MMRN1: variants seen among roughly 807,000 people sequenced by gnomAD.
MMRN1 encodes multimerin 1, also known as multimerin-1.
In MMRN1, 94 loss-of-function variants were observed where a neutral mutation model predicts 100.7. The ratio of observed to expected loss-of-function variants is 0.93; its 90% CI spans 0.79 to 1.11. The LOEUF (loss-of-function observed/expected upper bound fraction) is 1.11. Among genes scored for constraint, MMRN1 ranks in the 50% least tolerant of loss-of-function variants. The probability of loss-of-function intolerance (pLI) is 0.00; values close to 1 mark genes in which losing one functional copy is unlikely to be tolerated. For synonymous variants in MMRN1, 575 were observed against 505.0 expected, an observed-to-expected ratio of 1.14 and a Z score of -1.86; for missense variants, 1,606 against 1,439.1, an observed-to-expected ratio of 1.12 and a Z score of -1.88.
chr4:89,910,568 C>T (rs1013884389), intron 2 of MMRN1, among the ~76,000 whole-genome samples: 1 of 151,408 alleles, frequency 6.6e-6, no homozygotes, highest in Admixed American at 6.6e-5. Context: ...TTTGCCAAAG[C>T]AGGAACATTG....
chr4:89,912,103 T>C (rs1343516678), intron 3 of MMRN1, 53 bp downstream of exon 3: 11 of 1,289,864 alleles, frequency 8.5e-6, no homozygotes, highest in Non-Finnish European at 1.1e-5. Context: ...ACTGATTCTA[T>C]TGAAGAAAAG....
At chr4:89,939,213 G>A (rs1298406076) in intron 6 of MMRN1, among the ~76,000 whole-genome samples, 1 of 152,036 alleles carries the variant, frequency 6.6e-6, no homozygotes, top group Non-Finnish European at 1.5e-5. Context: ...CTTTGATATT[G>A]TATAAGTATT....
intron 4 of MMRN1, among the ~76,000 whole-genome samples, chr4:89,924,018 G>A (rs546664919): frequency 2.0e-5 from 3 of 152,238 alleles, no homozygotes; most frequent in Admixed American, 1.3e-4. Context: ...TAATATTCTT[G>A]AATTACTGCA....
chr4:89,945,735 A>T (rs1334968806), intron 6 of MMRN1, among the ~76,000 whole-genome samples: 1 of 152,178 alleles, frequency 6.6e-6, no homozygotes, highest in East Asian at 1.9e-4. Flanking sequence ...ATAGCAAGGG[A>T]TAAAGTAAAT....
rs377594061 is a variant in MMRN1, at chr4:89,935,216, A to G, written c.1536A>G (p.Lys512=). The G allele has an allele frequency of 2.3e-4, 375 of 1,613,402 alleles. No homozygotes were observed. The highest frequency in any genetic ancestry group is 3.1e-4 in the Non-Finnish European group (365 of 1,179,738). ...AATCCCTCAATAAAACTCTTTCTAA[A>G]TTGAAGGAAGTACATGAGCAGCTTT... ...YYESLNKTLS[K]LKEVHEQLLS... The change falls in exon 6 of 8, where the codon AAA becomes AAG. Residue 512 remains lysine (K), a synonymous_variant. Coordinates refer to ENST00000264790, the MANE Select transcript of MMRN1 (RefSeq NM_007351.3).
chr4:89,910,997 GCTCTACCC>G (rs1381936451), intron 2 of MMRN1, among the ~76,000 whole-genome samples: 2 of 151,332 alleles, frequency 1.3e-5, no homozygotes, highest in Non-Finnish European at 3.0e-5. Flanking sequence ...TAAAATCACA[GCTCTACCC>G]CTTTTAGATA....
chr4:89,884,948 T>C (rs1460474841), intron 1 of MMRN1, among the ~76,000 whole-genome samples: 2 of 152,168 alleles, frequency 1.3e-5, no homozygotes, highest in African/African-American at 4.8e-5. Flanking sequence ...TTTTTTCTTT[T>C]TATATTGGGG....
upstream of MMRN1, among the ~76,000 whole-genome samples, chr4:89,891,457 A>G (rs1721052517): frequency 6.6e-6 from 1 of 152,102 alleles, no homozygotes. Context: ...CTAATGTGTT[A>G]CCCTAGGAAG....
At position 89,907,790 on chromosome 4, in the gene MMRN1, G is replaced by T. The variant is rs1355672143; in HGVS notation, c.624-1486G>T. Among the ~76,000 whole-genome samples the T allele has an allele frequency of 6.0e-5, 9 of 148,818 alleles. No individual in the cohort carries two copies. The East Asian group carries it at 1.8e-3, about 29-fold the overall frequency. On this transcript the variant is annotated intron_variant, in intron 1 of 7. Transcript: ENST00000264790. The stretch of plus-strand genomic sequence containing the variant: ...AATGGTTAATTGTTTTAAAGTCATG[G>T]GTTGCTAATTCCAACTTCTATGTCA...
intron 6 of MMRN1, among the ~76,000 whole-genome samples, chr4:89,950,429 C>G (rs944359670): frequency 3.9e-5 from 6 of 152,106 alleles, no homozygotes; most frequent in Admixed American, 1.3e-4. Flanking sequence ...GTCCTATTAA[C>G]AGCTATAGCA....
upstream of MMRN1, among the ~76,000 whole-genome samples, chr4:89,890,795 AGGGGCATTT>A (rs1721038349): frequency 6.6e-6 from 1 of 152,072 alleles, no homozygotes; most frequent in African/African-American, 2.4e-5. Flanking sequence ...TTTTCTCATG[AGGGGCATTT>A]GGTCATCTTT....
At position 89,908,233 on chromosome 4, in the gene MMRN1, A is replaced by G. The variant is rs533956837; in HGVS notation, c.624-1043A>G. On this transcript the variant is annotated intron_variant, in intron 1 of 7. Transcript: ENST00000264790. Reference sequence around the variant, plus strand: ...TCACATATTTTCCCTCAAGAATCATATCACTGCATTGTCTACTGCCCAACA... The same window carrying G: ...TCACATATTTTCCCTCAAGAATCATGTCACTGCATTGTCTACTGCCCAACA... 2.6e-5 allele frequency among the ~76,000 whole-genome samples: 4 copies of G among 151,540 alleles called. No homozygotes were observed. The East Asian group carries it at 7.8e-4, about 29-fold the overall frequency.
intron 4 of MMRN1, 74 bp from the exon 5 acceptor site, chr4:89,927,720 TC>T: frequency 3.0e-6 from 4 of 1,347,206 alleles, no homozygotes; most frequent in Non-Finnish European, 2.0e-6. Flanking sequence ...TTTTAGTTTT[TC>T]TCCATTCAGT....
At position 89,934,848 on chromosome 4, in the gene MMRN1, A is replaced by C. The variant is rs1483136127; in HGVS notation, c.1168A>C (p.Ile390Leu). The C allele has an allele frequency of 6.4e-7, 1 of 1,567,556 alleles. No homozygotes were observed. The highest frequency in any genetic ancestry group is 1.2e-5 in the South Asian group (1 of 83,236). ...AAGCATTAATGTACTGATAAGAGAC[A>C]TAGTAAGAGAACAATTTAAAATTTT... ...SKSINVLIRD[I>L]VREQFKIFQN... The change falls in exon 6 of 8, where the codon ATA becomes CTA. Residue 390 changes from isoleucine (I) to leucine (L), a missense_variant. Transcript: ENST00000264790.
chr4:89,890,249 TC>T (rs10608251), upstream of MMRN1, among the ~76,000 whole-genome samples: 52 of 143,316 alleles, frequency 3.6e-4, no homozygotes, highest in African/African-American at 1.3e-3. Context: ...TTTTTTTTTT[TC>T]CCCTGTGCTC....
intron 6 of MMRN1, among the ~76,000 whole-genome samples, chr4:89,940,102 C>T (rs1042938788): frequency 6.6e-5 from 10 of 152,214 alleles, no homozygotes; most frequent in African/African-American, 2.2e-4. Context: ...TGTTTCTAAA[C>T]AATATTCTAA....
chr4:89,939,202 C>T (rs562363554), intron 6 of MMRN1, among the ~76,000 whole-genome samples: 14 of 152,172 alleles, frequency 9.2e-5, no homozygotes, highest in African/African-American at 3.1e-4. Context: ...TTTCATTTCA[C>T]CTTTGATATT....
intron 7 of MMRN1, among the ~76,000 whole-genome samples, chr4:89,952,056 G>A (rs1452940837): frequency 6.6e-6 from 1 of 152,082 alleles, no homozygotes; most frequent in Non-Finnish European, 1.5e-5. Context: ...ATATATGGAT[G>A]TATATATCTG....
At chr4:89,933,078 A>G (rs1185396247) in intron 5 of MMRN1, among the ~76,000 whole-genome samples, 1 of 152,196 alleles carries the variant, frequency 6.6e-6, no homozygotes, top group Non-Finnish European at 1.5e-5. Flanking sequence ...CACCCAAGTG[A>G]TATCTTGAAC....
Sources: allele counts gnomAD v4.1 joint callset (sites outside exome capture counted in the v4.1 genomes callset), GRCh38; gene constraint gnomAD v4.1.1; transcripts MANE v1.5; gene names NCBI Gene and HGNC (gene_info 2026-07-23, HGNC 2026-07-21).